Variants in MECOM observed in about 807,000 individuals in gnomAD.
MECOM encodes MDS1 and EVI1 complex locus, also known as histone-lysine N-methyltransferase MECOM.
A neutral mutation model predicts 116.3 loss-of-function variants in MECOM; 13 were observed. The ratio of observed to expected loss-of-function variants is 0.11; its 90% CI spans 0.07 to 0.18. MECOM has a LOEUF of 0.18. Among genes scored for constraint, MECOM ranks in the 10% least tolerant of loss-of-function variants. MECOM has a pLI of 1.00. For missense variants in MECOM, 1,299 were observed against 1,509.0 expected (o/e 0.86, Z 2.31); for synonymous variants, 528 against 535.2 (o/e 0.99, Z 0.19).
chr3:169,159,349 G>C (rs1359382176), intron 2 of MECOM, among the ~76,000 whole-genome samples: 2 of 152,278 alleles, frequency 1.3e-5, no homozygotes, highest in East Asian at 3.9e-4. Flanking sequence ...CACGAGGTCA[G>C]GAGTTTGAGA....
chr3:169,636,445 A>G (rs1305028425), intron 1 of MECOM, among the ~76,000 whole-genome samples: 1 of 152,224 alleles, frequency 6.6e-6, no homozygotes, highest in East Asian at 1.9e-4. Context: ...AAAAAGAAAT[A>G]GGAGACTGAT....
intron 1 of MECOM, among the ~76,000 whole-genome samples, chr3:169,416,611 T>C (rs1301459497): frequency 6.8e-6 from 1 of 147,530 alleles, no homozygotes; most frequent in Non-Finnish European, 1.5e-5. Flanking sequence ...TAAAAAAGGA[T>C]GAACAAAATC....
At chr3:169,142,814 C>A (rs758204908) in intron 3 of MECOM, among the ~76,000 whole-genome samples, 11 of 151,824 alleles carry the variant, frequency 7.2e-5, no homozygotes, top group African/African-American at 1.2e-4. Context: ...AACTATTCTT[C>A]TTCTTGATGG....
At chr3:169,180,482 T>C (rs1307266207) in intron 2 of MECOM, among the ~76,000 whole-genome samples, 1 of 152,100 alleles carries the variant, frequency 6.6e-6, no homozygotes, top group Admixed American at 6.6e-5. Flanking sequence ...ATTTGTAATA[T>C]ACCTGATAAG....
chr3:169,091,418 C>T (rs900904323), intron 14 of MECOM, among the ~76,000 whole-genome samples: 1 of 152,066 alleles, frequency 6.6e-6, no homozygotes, highest in African/African-American at 2.4e-5. Context: ...CCAGATGTTG[C>T]AACTATACAG....
intron 1 of MECOM, among the ~76,000 whole-genome samples, chr3:169,565,413 C>G (rs967951055): frequency 2.6e-5 from 4 of 152,170 alleles, no homozygotes; most frequent in African/African-American, 7.2e-5. Flanking sequence ...TCCACTGCCC[C>G]CTCCTCACTC....
chr3:169,107,121 C>G (rs934927390), intron 10 of MECOM, among the ~76,000 whole-genome samples: 13 of 152,222 alleles, frequency 8.5e-5, no homozygotes, highest in Admixed American at 6.6e-4. Flanking sequence ...AAAAGGACAG[C>G]TAAACTATAT....
At chr3:169,354,222 C>G (rs968393469) in intron 2 of MECOM, among the ~76,000 whole-genome samples, 1 of 151,726 alleles carries the variant, frequency 6.6e-6, no homozygotes, top group African/African-American at 2.4e-5. Context: ...ATCTCAAACC[C>G]CAGTAAATAA....
intron 2 of MECOM, among the ~76,000 whole-genome samples, chr3:169,361,848 C>G (rs1031572193): frequency 1.3e-5 from 2 of 151,774 alleles, no homozygotes; most frequent in African/African-American, 2.4e-5. Context: ...TAAAGTCATA[C>G]CCCGAGAAAG....
intron 1 of MECOM, among the ~76,000 whole-genome samples, chr3:169,626,715 T>C (rs1771422128): frequency 6.6e-6 from 1 of 152,238 alleles, no homozygotes; most frequent in Admixed American, 6.5e-5. Context: ...GTCTTCAGTG[T>C]TTCATCCTTT....
intron 1 of MECOM, among the ~76,000 whole-genome samples, chr3:169,553,900 T>C (rs935714193): frequency 3.9e-5 from 6 of 152,202 alleles, no homozygotes; most frequent in Admixed American, 1.3e-4. Context: ...AATTCCCTCT[T>C]TAAAGGCCTA....
chr3:169,203,034 C>T (rs1312116169), intron 2 of MECOM, among the ~76,000 whole-genome samples: 4 of 152,104 alleles, frequency 2.6e-5, no homozygotes, highest in Non-Finnish European at 4.4e-5. Context: ...TTCTCACCAA[C>T]TTCCTCTCAT....
intron 2 of MECOM, among the ~76,000 whole-genome samples, chr3:169,309,112 T>C (rs1219620794): frequency 6.6e-6 from 1 of 152,104 alleles, no homozygotes; most frequent in African/African-American, 2.4e-5. Context: ...CAATGAAGAC[T>C]ACCAAAGGAA....
chr3:169,260,241 T>C (rs35462190), intron 2 of MECOM, among the ~76,000 whole-genome samples: 10,010 of 152,210 alleles, frequency 0.066, 678 homozygotes, highest in African/African-American at 0.17. Context: ...TCATCATATT[T>C]TAAAATTTAC....
intron 1 of MECOM, among the ~76,000 whole-genome samples, chr3:169,491,513 C>T (rs1280737491): frequency 1.3e-5 from 2 of 152,158 alleles, no homozygotes; most frequent in Non-Finnish European, 2.9e-5. Context: ...ATAATAATCT[C>T]ACAATAATCA....
intron 1 of MECOM, among the ~76,000 whole-genome samples, chr3:169,433,536 TGAAAGAAAGAAAA>T (rs1742005680): frequency 1.2e-5 from 1 of 82,780 alleles, no homozygotes; most frequent in South Asian, 3.3e-4. Context: ...ACAGACAGAA[TGAAAGAAAGAAAA>T]GAAAGAAAGA....
intron 2 of MECOM, among the ~76,000 whole-genome samples, chr3:169,199,057 T>C (rs369039947): frequency 6.6e-6 from 1 of 152,090 alleles, no homozygotes; most frequent in African/African-American, 2.4e-5. Context: ...GTGTCCCCAA[T>C]GTCACCTCTA....
chr3:169,377,366 A>G (rs764712974), intron 2 of MECOM, among the ~76,000 whole-genome samples: 1 of 152,222 alleles, frequency 6.6e-6, no homozygotes, highest in African/African-American at 2.4e-5. Context: ...AAAAGAAACT[A>G]TCATTAGAGT....
chr3:169,097,817 T>TAAAAAAAAAAAAAAAAAAAAAAAAAA (rs539873617), intron 12 of MECOM, among the ~76,000 whole-genome samples: 4 of 87,216 alleles, frequency 4.6e-5, no homozygotes, highest in South Asian at 4.6e-4. Flanking sequence ...ACTGTCTATA[T>TAAAAAAAAAAAAAAAAAAAAAAAAAA]AAAAAAAAAA....
Sources: gnomAD v4.1 joint callset for allele counts (sites outside exome capture counted in the v4.1 genomes callset) on GRCh38, gnomAD v4.1.1 for gene constraint, MANE v1.5 for transcripts, NCBI Gene and HGNC (gene_info 2026-07-23, HGNC 2026-07-21) for gene names.